The following SLC24A3 variants were observed in gnomAD, a reference collection of about 807,000 sequenced individuals.
SLC24A3 encodes the protein solute carrier family 24 member 3.
SLC24A3 carries 28 observed loss-of-function variants against 75.8 expected under a neutral mutation model. That is an observed-to-expected ratio of 0.37 (90% CI 0.27 to 0.51). The LOEUF is 0.51. SLC24A3 is among the 20% of genes least tolerant of loss of function. The pLI, the probability that SLC24A3 is intolerant of heterozygous loss-of-function variation, is 0.94. For synonymous variants in SLC24A3, 372 were observed against 334.1 expected, an observed-to-expected ratio of 1.11 and a Z score of -1.24; for missense variants, 663 against 847.8, an observed-to-expected ratio of 0.78 and a Z score of 2.71.
chr20:19,409,548 A>G (rs1013634361), intron 2 of SLC24A3, among the ~76,000 whole-genome samples: 1 of 152,204 alleles, frequency 6.6e-6, no homozygotes, highest in East Asian at 1.9e-4. Flanking sequence ...TTATGCTCAA[A>G]TGTCTCATTG....
At chr20:19,472,650 C>G (rs776771474) in intron 2 of SLC24A3, among the ~76,000 whole-genome samples, 4 of 152,210 alleles carry the variant, frequency 2.6e-5, no homozygotes, top group Non-Finnish European at 1.5e-5. Flanking sequence ...TAGTTTATGT[C>G]AATCTCCTGG....
At chr20:19,701,389 A>G (rs1294725215) in intron 15 of SLC24A3, among the ~76,000 whole-genome samples, 1 of 152,148 alleles carries the variant, frequency 6.6e-6, no homozygotes, top group Non-Finnish European at 1.5e-5. Context: ...ATTTATTTTC[A>G]AGATGAGATA....
chr20:19,555,077 A>G (rs1167505820), intron 3 of SLC24A3, among the ~76,000 whole-genome samples: 1 of 152,238 alleles, frequency 6.6e-6, no homozygotes, highest in Non-Finnish European at 1.5e-5. Flanking sequence ...TCGTAAAGCC[A>G]ACTCTGAGTT....
chr20:19,237,268 C>A (rs754659948), intron 1 of SLC24A3, among the ~76,000 whole-genome samples: 1 of 152,036 alleles, frequency 6.6e-6, no homozygotes, highest in Non-Finnish European at 1.5e-5. Flanking sequence ...GGCCTGCAGG[C>A]GGGGGTCAGT....
At chr20:19,313,951 C>A (rs1250804803) in intron 2 of SLC24A3, among the ~76,000 whole-genome samples, 1 of 152,136 alleles carries the variant, frequency 6.6e-6, no homozygotes, top group South Asian at 2.1e-4. Context: ...AGGGCGATGC[C>A]AGATACATGA....
chr20:19,408,576 G>A (rs1442572332), intron 2 of SLC24A3, among the ~76,000 whole-genome samples: 3 of 151,960 alleles, frequency 2.0e-5, no homozygotes, highest in African/African-American at 7.3e-5. Context: ...TTTTGGTAGA[G>A]ACAGGGTTTC....
chr20:19,456,176 G>C (rs191610993), intron 2 of SLC24A3, among the ~76,000 whole-genome samples: 1 of 152,170 alleles, frequency 6.6e-6, no homozygotes, highest in African/African-American at 2.4e-5. Flanking sequence ...AGTTAGGGTA[G>C]CCTTTGGAGG....
At chr20:19,652,341 T>G (rs951823419) in intron 6 of SLC24A3, among the ~76,000 whole-genome samples, 1 of 152,240 alleles carries the variant, frequency 6.6e-6, no homozygotes, top group Non-Finnish European at 1.5e-5. Context: ...TGCCACGTTT[T>G]AAGCCCATTT....
In SLC24A3 at chr20:19,721,159, A is replaced by G; in HGVS notation, c.*19A>G. The stretch of plus-strand genomic sequence containing the variant: ...CCACTGAGCCGCCGGGTGCCCACAG[A>G]GGCTCAGCTCCTTCTTTTCTGTGCA... On this transcript the variant is annotated 3_prime_UTR_variant, in exon 17 of 17. Transcript: ENST00000328041. 2 of 1,613,516 alleles carry G rather than the reference A, an allele frequency of 1.2e-6. No individual in the cohort carries two copies. Among genetic ancestry groups the G allele is most frequent in the Non-Finnish European group, 1.7e-6 (2 of 1,179,884 alleles).
intron 9 of SLC24A3, among the ~76,000 whole-genome samples, chr20:19,678,020 G>A (rs931714212): frequency 4.0e-5 from 6 of 151,298 alleles, no homozygotes; most frequent in African/African-American, 1.5e-4. Context: ...CACAGGGTTG[G>A]GGGGTAAGGT....
At chr20:19,534,193 C>T (rs1291626950) in intron 3 of SLC24A3, among the ~76,000 whole-genome samples, 3 of 152,244 alleles carry the variant, frequency 2.0e-5, no homozygotes, top group South Asian at 4.1e-4. Context: ...CAGTTACTGC[C>T]GTGTGGTTTG....
chr20:19,474,990 C>G (rs117250409), intron 2 of SLC24A3, among the ~76,000 whole-genome samples: 5 of 152,118 alleles, frequency 3.3e-5, no homozygotes, highest in Non-Finnish European at 7.4e-5. Flanking sequence ...GAAAAAGGCT[C>G]TCTGACACTA....
intron 6 of SLC24A3, among the ~76,000 whole-genome samples, chr20:19,631,628 G>A (rs577480617): frequency 3.5e-4 from 53 of 152,230 alleles, no homozygotes; most frequent in African/African-American, 1.1e-3. Flanking sequence ...CCAGCATCAC[G>A]AGGGCATTGT....
At chr20:19,235,418 A>G (rs1279119913) in intron 1 of SLC24A3, among the ~76,000 whole-genome samples, 1 of 152,144 alleles carries the variant, frequency 6.6e-6, no homozygotes, top group African/African-American at 2.4e-5. Context: ...GCCTTAATCT[A>G]AAGCAAAACT....
chr20:19,364,945 C>G (rs1198170518), intron 2 of SLC24A3, among the ~76,000 whole-genome samples: 1 of 152,144 alleles, frequency 6.6e-6, no homozygotes, highest in African/African-American at 2.4e-5. Context: ...AAAGTAAGTT[C>G]TAAGAACTAA....
At chr20:19,390,949 T>C (rs1485619335) in intron 2 of SLC24A3, among the ~76,000 whole-genome samples, 2 of 152,078 alleles carry the variant, frequency 1.3e-5, no homozygotes, top group Non-Finnish European at 2.9e-5. Flanking sequence ...GTCTGAGGGC[T>C]GAGACTTTGG....
chr20:19,239,997 C>T (rs1039275778), intron 1 of SLC24A3, among the ~76,000 whole-genome samples: 16 of 152,200 alleles, frequency 1.1e-4, no homozygotes, highest in African/African-American at 3.9e-4. Flanking sequence ...CTGCCCAACC[C>T]CAAGGGCCTA....
At chr20:19,663,443 A>ACCTCCACCTCCACC (rs1568689617) in intron 7 of SLC24A3, among the ~76,000 whole-genome samples, 5 of 13,734 alleles carry the variant, frequency 3.6e-4, no homozygotes, top group African/African-American at 3.5e-3. Flanking sequence ...CCGCCTTCTC[A>ACCTCCACCTCCACC]TCCTCCTCCA....
intron 15 of SLC24A3, among the ~76,000 whole-genome samples, chr20:19,704,957 GA>G (rs1288464989): frequency 1.3e-5 from 2 of 152,174 alleles, no homozygotes; most frequent in Non-Finnish European, 2.9e-5. Context: ...CAGCCAGAAA[GA>G]GGCAGAGAGG....
Sources: gnomAD v4.1 joint callset for allele counts (sites outside exome capture counted in the v4.1 genomes callset) on GRCh38, gnomAD v4.1.1 for gene constraint, MANE v1.5 for transcripts, NCBI Gene and HGNC (gene_info 2026-07-23, HGNC 2026-07-21) for gene names.